Variants in TENM2 observed in about 807,000 individuals in gnomAD.
TENM2 encodes the protein teneurin-2.
A neutral mutation model predicts 245.2 loss-of-function variants in TENM2; 52 were observed. That is an observed-to-expected ratio of 0.21 (90% CI 0.17 to 0.27). The LOEUF (loss-of-function observed/expected upper bound fraction) is 0.27, where lower values mean the gene tolerates loss of function less well. Among genes scored for constraint, TENM2 ranks in the 10% least tolerant of loss-of-function variants. The pLI is 1.00. For missense variants in TENM2, 3,046 were observed against 3,666.8 expected, an observed-to-expected ratio of 0.83 and a Z score of 4.37; for synonymous variants, 1,363 against 1,438.9, an observed-to-expected ratio of 0.95 and a Z score of 1.19.
At chr5:168,214,925 G>A in intron 20 of TENM2, 115 bp from the exon 23 acceptor site, 2 of 813,636 alleles carry the variant, frequency 2.5e-6, no homozygotes, top group Middle Eastern at 2.2e-4. Flanking sequence ...GTTCACTAAA[G>A]TGGAAAGACA....
intron 2 of TENM2, among the ~76,000 whole-genome samples, chr5:167,541,724 G>C (rs1257821582): frequency 6.6e-6 from 1 of 152,120 alleles, no homozygotes; most frequent in Non-Finnish European, 1.5e-5. Flanking sequence ...AGCCTCCAAT[G>C]TATCTCTGAT....
At chr5:166,991,757 C>T in the TENM2 span, among the ~76,000 whole-genome samples, 1,455 of 152,178 alleles carry the variant, frequency 9.6e-3, 8 homozygotes, top group Admixed American at 0.015. Flanking sequence ...ACAAAGCAAA[C>T]GCTTTGTCCA....
chr5:167,163,797 A>G, the TENM2 span, among the ~76,000 whole-genome samples: 4 of 152,188 alleles, frequency 2.6e-5, no homozygotes, highest in Non-Finnish European at 2.9e-5. Flanking sequence ...TACTGTATCT[A>G]TAATAAGAAA....
chr5:167,752,810 T>C (rs1582915177), intron 2 of TENM2, among the ~76,000 whole-genome samples: 5 of 152,346 alleles, frequency 3.3e-5, no homozygotes, highest in South Asian at 2.1e-4. Context: ...GTTTCAGATA[T>C]AGATTTCCAT....
intron 1 of TENM2, chr5:167,296,279 T>G (rs1363093280): frequency 3.3e-5 from 5 of 152,162 alleles, no homozygotes; most frequent in Admixed American, 1.3e-4. Flanking sequence ...TGGGATACAT[T>G]TCAGTTTAAA....
At chr5:167,494,482 G>A (rs773635358) in intron 2 of TENM2, among the ~76,000 whole-genome samples, 18 of 152,034 alleles carry the variant, frequency 1.2e-4, no homozygotes, top group Admixed American at 4.6e-4. Flanking sequence ...ATACTTATGC[G>A]TGATATTATA....
intron 2 of TENM2, among the ~76,000 whole-genome samples, chr5:167,447,340 A>G (rs1211716647): frequency 6.6e-6 from 1 of 152,254 alleles, no homozygotes; most frequent in Non-Finnish European, 1.5e-5. Context: ...AATTATTACT[A>G]TATGATGTGT....
intron 2 of TENM2, among the ~76,000 whole-genome samples, chr5:167,751,817 T>C (rs1761975886): frequency 3.9e-5 from 6 of 152,156 alleles, no homozygotes; most frequent in Admixed American, 3.9e-4. Flanking sequence ...TTTATGGTTA[T>C]ATATGTAATT....
chr5:167,478,743 A>G (rs1767558842), intron 2 of TENM2, among the ~76,000 whole-genome samples: 1 of 152,166 alleles, frequency 6.6e-6, no homozygotes, highest in Non-Finnish European at 1.5e-5. Flanking sequence ...GTAGCAAACC[A>G]TTTTTAAAAC....
intron 2 of TENM2, among the ~76,000 whole-genome samples, chr5:167,585,346 T>C (rs1355268578): frequency 6.6e-6 from 1 of 152,220 alleles, no homozygotes; most frequent in African/African-American, 2.4e-5. Context: ...CTCTCCACTC[T>C]AGTGATGTTT....
chr5:167,359,077 G>A (rs1027458498), intron 1 of TENM2, among the ~76,000 whole-genome samples: 8 of 152,014 alleles, frequency 5.3e-5, no homozygotes, highest in Non-Finnish European at 1.0e-4. Flanking sequence ...TCCTTGATTC[G>A]GTTCTGCCAC....
At chr5:167,291,159 T>C (rs953945052) in intron 1 of TENM2, among the ~76,000 whole-genome samples, 7 of 152,222 alleles carry the variant, frequency 4.6e-5, no homozygotes, top group African/African-American at 1.7e-4. Flanking sequence ...TTACCTTCCT[T>C]CTCCTGCTCT....
At chr5:167,403,186 A>G (rs1406297570) in intron 2 of TENM2, among the ~76,000 whole-genome samples, 2 of 152,028 alleles carry the variant, frequency 1.3e-5, no homozygotes, top group African/African-American at 2.4e-5. Flanking sequence ...GCAAAACAAA[A>G]TTTCCTTAAT....
intron 2 of TENM2, among the ~76,000 whole-genome samples, chr5:167,846,220 C>T (rs536653479): frequency 4.4e-4 from 67 of 152,332 alleles, no homozygotes; most frequent in African/African-American, 1.4e-3. Flanking sequence ...GTGTCTGGTT[C>T]CATGTCACTT....
intron 2 of TENM2, among the ~76,000 whole-genome samples, chr5:167,474,986 A>C (rs904749398): frequency 6.6e-6 from 1 of 152,204 alleles, no homozygotes; most frequent in Non-Finnish European, 1.5e-5. Context: ...GTATATTTTT[A>C]GATGTTTCAG....
At chr5:167,264,711 G>A in the TENM2 span, among the ~76,000 whole-genome samples, 1 of 152,192 alleles carries the variant, frequency 6.6e-6, no homozygotes, top group Non-Finnish European at 1.5e-5. Context: ...CCTACTGGAA[G>A]TGAGAGCAGC....
chr5:167,552,527 C>A (rs1036600073), intron 2 of TENM2, among the ~76,000 whole-genome samples: 2 of 152,250 alleles, frequency 1.3e-5, no homozygotes, highest in Non-Finnish European at 2.9e-5. Context: ...TCCTTCCCCC[C>A]AACCCGCCGC....
At chr5:167,487,987 G>A (rs1218506306) in intron 2 of TENM2, among the ~76,000 whole-genome samples, 1 of 152,118 alleles carries the variant, frequency 6.6e-6, no homozygotes, top group Admixed American at 6.6e-5. Flanking sequence ...AGAAAATGGA[G>A]ATTACCTGAA....
At position 168,172,139 on chromosome 5, in the gene TENM2, A is replaced by G. The variant is rs149095302; in HGVS notation, c.2569+9382A>G. ...AGGTGGGGAGGTGCTACTGGCATCCAGTGGGTAGAGGCCAGGGTTGCTGCC... is the reference window on the plus strand; with the variant it reads ...AGGTGGGGAGGTGCTACTGGCATCCGGTGGGTAGAGGCCAGGGTTGCTGCC... On this transcript the variant is annotated intron_variant, in intron 13 of 28. Transcript: ENST00000518659. 4.6e-3 allele frequency among the ~76,000 whole-genome samples: 697 copies of G among 152,308 alleles called. 6 individuals carry two copies. The highest frequency in any genetic ancestry group is 0.016 in the African/African-American group (661 of 41,576).
Sources: allele counts gnomAD v4.1 joint callset (sites outside exome capture counted in the v4.1 genomes callset), GRCh38; gene constraint gnomAD v4.1.1; transcripts MANE v1.5; gene names NCBI Gene and HGNC (gene_info 2026-07-23, HGNC 2026-07-21).